Variants in NCAM1 observed in about 807,000 individuals in gnomAD.
NCAM1 encodes antigen recognized by monoclonal antibody 5.1H11.
In NCAM1, 14 loss-of-function variants were observed where a neutral mutation model predicts 109.8. That is an observed-to-expected ratio of 0.13 (90% CI 0.08 to 0.20). The LOEUF is 0.20. NCAM1 is among the 10% of genes least tolerant of loss of function. NCAM1 has a pLI of 1.00. For synonymous variants in NCAM1, 418 were observed against 442.9 expected (o/e 0.94, Z 0.70); for missense variants, 774 against 1,109.9 (o/e 0.70, Z 4.30).
At chr11:113,270,782 T>G (rs1299069757) in intron 18 of NCAM1, among the ~76,000 whole-genome samples, 2 of 152,074 alleles carry the variant, frequency 1.3e-5, no homozygotes, top group Non-Finnish European at 2.9e-5. Context: ...CATCCATCAC[T>G]CAACAAATAT....
At chr11:112,998,711 C>T (rs184184272) in intron 1 of NCAM1, among the ~76,000 whole-genome samples, 1 of 152,264 alleles carries the variant, frequency 6.6e-6, no homozygotes, top group Admixed American at 6.5e-5. Flanking sequence ...GTCAAAAACT[C>T]AAAACGATTA....
At chr11:113,002,614 C>T (rs549876926) in intron 1 of NCAM1, among the ~76,000 whole-genome samples, 1 of 152,142 alleles carries the variant, frequency 6.6e-6, no homozygotes, top group African/African-American at 2.4e-5. Context: ...CCATCAAGTC[C>T]TTTCTGCCTA....
At chr11:113,162,590 A>T (rs1246800141) in intron 1 of NCAM1, among the ~76,000 whole-genome samples, 7 of 152,216 alleles carry the variant, frequency 4.6e-5, no homozygotes, top group African/African-American at 1.4e-4. Flanking sequence ...AATAACATTT[A>T]AAAAAATTGT....
chr11:113,242,603 C>G (rs1945364851), intron 14 of NCAM1, among the ~76,000 whole-genome samples: 1 of 152,042 alleles, frequency 6.6e-6, no homozygotes, highest in Admixed American at 6.6e-5. Context: ...GAGCAAGACT[C>G]CATCTCAAAA....
chr11:113,227,656 T>A (rs1055844920), intron 9 of NCAM1, among the ~76,000 whole-genome samples: 1 of 152,348 alleles, frequency 6.6e-6, no homozygotes, highest in Non-Finnish European at 1.5e-5. Context: ...CCAATATCCC[T>A]GATGAACATC....
Position 112,961,459 on chromosome 11 carries a change from C to G in NCAM1, c.-154C>G, listed in dbSNP as rs782518318. 2 of 775,532 alleles carry G rather than the reference C, an allele frequency of 2.6e-6. No individual in the cohort carries two copies. The highest frequency in any genetic ancestry group is 4.8e-6 in the Non-Finnish European group (2 of 417,810). The allele number at this position is 775,532 out of a possible 1,614,324, so 48.0% of individuals were successfully genotyped here. A position where few individuals can be genotyped will look rare whatever the true frequency, so the allele number is the denominator to read the frequency against. On this transcript the variant is annotated 5_prime_UTR_variant, in exon 1 of 20. Transcript: ENST00000316851. ...CAGCGCGTGAACGCAGCTCGGCTGC[C>G]GCTGGCAGGAAACAATTCTGCAAAA...
At chr11:113,153,518 T>A (rs985472499) in intron 1 of NCAM1, among the ~76,000 whole-genome samples, 6 of 152,066 alleles carry the variant, frequency 3.9e-5, no homozygotes, top group African/African-American at 1.4e-4. Context: ...GGATAAGATG[T>A]TTGTCATGAT....
intron 2 of NCAM1, among the ~76,000 whole-genome samples, chr11:113,203,112 G>A (rs1944119585): frequency 6.6e-6 from 1 of 152,168 alleles, no homozygotes; most frequent in Admixed American, 6.5e-5. Context: ...TTCAAATTAA[G>A]CCTCAGATTC....
At chr11:112,961,870 C>G (rs553758453) in intron 1 of NCAM1, among the ~76,000 whole-genome samples, 1 of 152,096 alleles carries the variant, frequency 6.6e-6, no homozygotes, top group Non-Finnish European at 1.5e-5. Flanking sequence ...GCTGCCTCCC[C>G]GAGCCGCCAG....
At chr11:113,107,387 C>G (rs568624284) in intron 1 of NCAM1, among the ~76,000 whole-genome samples, 1 of 152,248 alleles carries the variant, frequency 6.6e-6, no homozygotes, top group Admixed American at 6.5e-5. Context: ...TCCATAAATG[C>G]TTTTGAGATT....
intron 1 of NCAM1, among the ~76,000 whole-genome samples, chr11:113,198,790 A>G (rs1171607013): frequency 6.6e-6 from 1 of 152,202 alleles, no homozygotes; most frequent in East Asian, 1.9e-4. Context: ...TTCAAGCCTT[A>G]GAAGTAGATG....
At chr11:113,036,353 C>A (rs1952884768) in intron 1 of NCAM1, among the ~76,000 whole-genome samples, 1 of 152,114 alleles carries the variant, frequency 6.6e-6, no homozygotes, top group Non-Finnish European at 1.5e-5. Context: ...CAGCACTCCA[C>A]CACCCTGAAC....
intron 15 of NCAM1, among the ~76,000 whole-genome samples, chr11:113,246,970 T>G (rs2137455422): frequency 6.6e-6 from 1 of 152,170 alleles, no homozygotes; most frequent in South Asian, 2.1e-4. Context: ...TTTTTAAGAG[T>G]GGCCCTCCCC....
At chr11:113,215,656 T>C (rs45513397) in intron 8 of NCAM1, among the ~76,000 whole-genome samples, 38 of 152,328 alleles carry the variant, frequency 2.5e-4, no homozygotes, top group Admixed American at 5.2e-4. Flanking sequence ...TAACCTATTA[T>C]TTTTTGCAAC....
chr11:113,076,002 G>T (rs1555086048), intron 1 of NCAM1, among the ~76,000 whole-genome samples: 1 of 152,158 alleles, frequency 6.6e-6, no homozygotes, highest in East Asian at 1.9e-4. Context: ...GATACTAAAA[G>T]AAATGCCTAA....
intron 1 of NCAM1, among the ~76,000 whole-genome samples, chr11:113,011,852 G>A (rs1336848077): frequency 6.6e-6 from 1 of 152,162 alleles, no homozygotes; most frequent in East Asian, 1.9e-4. Context: ...GGAGACTAAG[G>A]CAGCATGACA....
At chr11:113,173,404 C>T (rs782314438) in intron 1 of NCAM1, among the ~76,000 whole-genome samples, 3 of 151,492 alleles carry the variant, frequency 2.0e-5, no homozygotes, top group South Asian at 2.1e-4. Context: ...CAGAAAGTGG[C>T]GGGGGAGCTG....
chr11:113,136,941 C>A (rs1013367943), intron 1 of NCAM1, among the ~76,000 whole-genome samples: 3 of 152,170 alleles, frequency 2.0e-5, no homozygotes, highest in South Asian at 4.1e-4. Flanking sequence ...AGGGGAAGGC[C>A]AAGGCTGACA....
At chr11:113,015,131 C>T (rs1393904071) in intron 1 of NCAM1, among the ~76,000 whole-genome samples, 3 of 152,248 alleles carry the variant, frequency 2.0e-5, no homozygotes, top group Non-Finnish European at 4.4e-5. Flanking sequence ...ATCCTTACAG[C>T]TTCTCTTCTT....
Sources: allele counts gnomAD v4.1 joint callset (sites outside exome capture counted in the v4.1 genomes callset), GRCh38; gene constraint gnomAD v4.1.1; transcripts MANE v1.5; gene names NCBI Gene and HGNC (gene_info 2026-07-23, HGNC 2026-07-21).